MGST1: variants seen among roughly 807,000 people sequenced by gnomAD.
MGST1 encodes the protein microsomal glutathione S-transferase 1, also known as glutathione S-transferase 12.
MGST1 carries 5 observed loss-of-function variants against 8.9 expected under a neutral mutation model. That is an observed-to-expected ratio of 0.56 (90% confidence interval 0.29 to 1.19). The LOEUF is 1.19. Ranked by LOEUF, MGST1 falls within the 50% of genes most tolerant of loss-of-function variation. MGST1 has a pLI of 0.08. For synonymous variants in MGST1, 54 were observed against 67.8 expected (o/e 0.80, Z 1.00); for missense variants, 182 against 187.4 (o/e 0.97, Z 0.17).
chr12:16,556,012 C>CCTGT (rs1942175709), intron 4 of MGST1, among the ~76,000 whole-genome samples: 1 of 152,102 alleles, frequency 6.6e-6, no homozygotes, highest in African/African-American at 2.4e-5. Context: ...TCTTTGATGT[C>CCTGT]CTGTCTCTCC....
intron 4 of MGST1, among the ~76,000 whole-genome samples, chr12:16,541,581 C>A (rs565569576): frequency 8.5e-5 from 13 of 152,094 alleles, no homozygotes; most frequent in Admixed American, 2.0e-4. Flanking sequence ...AATGGAAATA[C>A]TAACTTTACA....
intron 4 of MGST1, among the ~76,000 whole-genome samples, chr12:16,504,874 T>A (rs1330448243): frequency 1.3e-5 from 2 of 152,216 alleles, no homozygotes; most frequent in African/African-American, 4.8e-5. Context: ...TTTCTTATGC[T>A]GCCTCTATTT....
chr12:16,351,699 A>T (rs566649490), intron 1 of MGST1, among the ~76,000 whole-genome samples: 50 of 152,182 alleles, frequency 3.3e-4, no homozygotes, highest in Non-Finnish European at 5.4e-4. Flanking sequence ...AATCCCAGCT[A>T]CTCGGGAGGC....
intron 4 of MGST1, among the ~76,000 whole-genome samples, chr12:16,454,871 CCAAAAAAAAAAAAAA>C (rs748043002): frequency 4.0e-5 from 4 of 100,548 alleles, no homozygotes; most frequent in African/African-American, 1.7e-4. Context: ...TTTAAGTAGA[CCAAAAAAAAAAAAAA>C]AAAAAAAAAA....
At chr12:16,566,920 C>T (rs929810951) in intron 4 of MGST1, among the ~76,000 whole-genome samples, 2 of 152,138 alleles carry the variant, frequency 1.3e-5, no homozygotes, top group African/African-American at 4.8e-5. Context: ...TAAAAAACTA[C>T]CAAAAGCCCA....
chr12:16,485,942 C>T (rs2137150855), intron 4 of MGST1, among the ~76,000 whole-genome samples: 2 of 152,282 alleles, frequency 1.3e-5, no homozygotes, highest in South Asian at 4.1e-4. Flanking sequence ...TTAATTTTCT[C>T]TTTTGCTTGC....
At chr12:16,374,318 C>A (rs980626302) in intron 3 of MGST1, among the ~76,000 whole-genome samples, 11 of 151,974 alleles carry the variant, frequency 7.2e-5, no homozygotes, top group African/African-American at 2.7e-4. Flanking sequence ...ATAATATAGT[C>A]ATGGTTATTG....
At chr12:16,550,149 A>T (rs982707145) in intron 4 of MGST1, 9 of 152,092 alleles carry the variant, frequency 5.9e-5, no homozygotes, top group African/African-American at 2.2e-4. Flanking sequence ...CTACTCAAAT[A>T]CCATCATAGC....
At chr12:16,549,306 ATTTC>A (rs887387670) in intron 4 of MGST1, 3 of 152,104 alleles carry the variant, frequency 2.0e-5, no homozygotes, top group African/African-American at 7.2e-5. Context: ...CTACTTTTGA[ATTTC>A]TTTCTTTAGT....
intron 4 of MGST1, among the ~76,000 whole-genome samples, chr12:16,459,821 C>T (rs906345090): frequency 2.1e-4 from 32 of 152,038 alleles, no homozygotes; most frequent in Admixed American, 7.2e-4. Context: ...TTTAACTTTG[C>T]GTATGGCCTG....
rs1269832899 is a variant in MGST1, at chr12:16,401,729, A to G, written n.778+18125A>G. On this transcript the variant is annotated intron_variant and non_coding_transcript_variant, in intron 1 of 1. Coordinates refer to the MGST1 transcript ENST00000359720. The surrounding 1 kb of genome is among the most constrained non-coding windows in gnomAD (Gnocchi z 4.3). ...CCACAGTAGAAGGGTCTGCCCCAGC[A>G]AGGTATTTTTTCTCTTCAACGGCCT... is the stretch of plus-strand genomic sequence containing the variant. 11 of 1,601,168 alleles carry G rather than the reference A, an allele frequency of 6.9e-6. No individual in the cohort carries two copies. The highest frequency in any genetic ancestry group is 2.7e-5 in the African/African-American group (2 of 74,686).
intron 4 of MGST1, among the ~76,000 whole-genome samples, chr12:16,488,838 T>C (rs1237184882): frequency 1.3e-5 from 2 of 152,134 alleles, no homozygotes; most frequent in African/African-American, 4.8e-5. Flanking sequence ...CCAGGCATAG[T>C]GGTACACACC....
chr12:16,354,404 C>A, intron 2 of MGST1, 26 bp downstream of exon 2: 1 of 1,581,796 alleles, frequency 6.3e-7, no homozygotes, highest in South Asian at 1.2e-5. Context: ...GTAATATTTT[C>A]TTACTTTTAA....
At chr12:16,474,366 A>T (rs1941307000) in intron 4 of MGST1, among the ~76,000 whole-genome samples, 1 of 152,224 alleles carries the variant, frequency 6.6e-6, no homozygotes. Context: ...GATACTTCTA[A>T]AAAACATTGT....
At chr12:16,408,377 A>T (rs549240695) in intron 1 of MGST1, among the ~76,000 whole-genome samples, 27 of 152,152 alleles carry the variant, frequency 1.8e-4, no homozygotes, top group Non-Finnish European at 2.6e-4. Flanking sequence ...CCTAAAATAA[A>T]TTTTTTTTAA....
chr12:16,462,560 A>AG (rs1042659835), intron 4 of MGST1, among the ~76,000 whole-genome samples: 1 of 151,734 alleles, frequency 6.6e-6, no homozygotes, highest in African/African-American at 2.4e-5. Context: ...CCCCCCAAAA[A>AG]AAACTAGGAA....
chr12:16,421,632 A>G (rs934977102), intron 1 of MGST1, among the ~76,000 whole-genome samples: 1 of 152,162 alleles, frequency 6.6e-6, no homozygotes, highest in Non-Finnish European at 1.5e-5. Context: ...CCATCACTCT[A>G]TCAAACCTGT....
intron 1 of MGST1, among the ~76,000 whole-genome samples, chr12:16,434,154 T>G (rs910562404): frequency 6.6e-6 from 1 of 152,070 alleles, no homozygotes; most frequent in African/African-American, 2.4e-5. Context: ...ATATTTCTTT[T>G]ATAGGAACAA....
intron 1 of MGST1, among the ~76,000 whole-genome samples, chr12:16,353,040 T>G (rs1939539500): frequency 6.6e-6 from 1 of 152,090 alleles, no homozygotes; most frequent in Admixed American, 6.5e-5. Context: ...TCAATTTTTT[T>G]TTTTGGAGGG....
Sources: allele counts gnomAD v4.1 joint callset (sites outside exome capture counted in the v4.1 genomes callset), GRCh38; gene constraint gnomAD v4.1.1; non-coding constraint Gnocchi (gnomAD v3.1); transcripts MANE v1.5; gene names NCBI Gene and HGNC (gene_info 2026-07-23, HGNC 2026-07-21).